The following IL18RAP variants were observed in gnomAD, a reference collection of about 807,000 sequenced individuals.
IL18RAP encodes interleukin-18 receptor accessory protein.
In IL18RAP, 37 loss-of-function variants were observed where a neutral mutation model predicts 58.1. The observed-to-expected ratio is 0.64, with a 90% CI of 0.49 to 0.84. The LOEUF (loss-of-function observed/expected upper bound fraction) is 0.84. IL18RAP is among the 40% of genes least tolerant of loss of function. The pLI is 0.00. For missense variants in IL18RAP, 667 were observed against 704.8 expected, an observed-to-expected ratio of 0.95 and a Z score of 0.61; for synonymous variants, 268 against 257.5, an observed-to-expected ratio of 1.04 and a Z score of -0.39.
Position 102,452,162 on chromosome 2 carries a change from C to T in IL18RAP, c.1781C>T (p.Ser594Phe). 6.2e-7 allele frequency: 1 copy of T among 1,608,102 alleles called. No individual in the cohort carries two copies. Among genetic ancestry groups the T allele is most frequent in the South Asian group, 1.1e-5 (1 of 90,168 alleles). Reference protein sequence around the residue: ...LSRTETTGRSSQPKEW With the variant: ...LSRTETTGRSFQPKEW ...AGAACAGAAACCACTGGGAGGAGCT[C>T]CCAGCCTAAGGAATGGTGAAATGAG... The change falls in exon 10 of 10, where the codon TCC becomes TTC. Residue 594 changes from serine to phenylalanine, a missense_variant. Ser to Phe is a radical substitution (Grantham distance 155, BLOSUM62 -2). Coordinates refer to ENST00000687160, the MANE Select transcript of IL18RAP (RefSeq NM_001393487.1).
At chr2:102,448,189 G>T (rs1435327199) in intron 8 of IL18RAP, among the ~76,000 whole-genome samples, 3 of 152,210 alleles carry the variant, frequency 2.0e-5, no homozygotes, top group Non-Finnish European at 4.4e-5. Context: ...GAGACAGGAA[G>T]TCATGTGCCT....
intron 3 of IL18RAP, among the ~76,000 whole-genome samples, chr2:102,427,725 G>T (rs554085901): frequency 2.4e-4 from 37 of 151,896 alleles, no homozygotes; most frequent in African/African-American, 7.5e-4. Flanking sequence ...TTCTATTTTT[G>T]TTTTTGTTGC....
At chr2:102,439,860 A>C (rs1219824284) in intron 4 of IL18RAP, 1 of 152,214 alleles carries the variant, frequency 6.6e-6, no homozygotes. Flanking sequence ...TGGAGATGTG[A>C]ATGTGAAGAT....
chr2:102,422,663 A>T (rs182275554), upstream of IL18RAP, among the ~76,000 whole-genome samples: 16 of 152,304 alleles, frequency 1.1e-4, no homozygotes, highest in East Asian at 1.3e-3. Flanking sequence ...CATATTTGAG[A>T]GTTGATAGTG....
At chr2:102,442,014 T>C (rs1173478402) in intron 5 of IL18RAP, among the ~76,000 whole-genome samples, 1 of 152,252 alleles carries the variant, frequency 6.6e-6, no homozygotes, top group East Asian at 1.9e-4. Context: ...TCGTACATGT[T>C]GGTTAGGTCT....
In IL18RAP at chr2:102,424,388, C is replaced by G; in HGVS notation, c.553C>G (p.Gln185Glu). 2.5e-6 allele frequency: 4 copies of G among 1,613,976 alleles called. No homozygotes were observed. The highest frequency in any genetic ancestry group is 3.4e-6 in the Non-Finnish European group (4 of 1,179,896). The change falls in exon 3 of 10, where the codon CAA becomes GAA. Residue 185 changes from glutamine to glutamate, a missense_variant. Coordinates refer to ENST00000687160, the MANE Select transcript of IL18RAP (RefSeq NM_001393487.1). ...CPSLSCQSDA[Q>E]SPAVTWYKNG... The stretch of plus-strand genomic sequence containing the variant: ...CAGTCTCAGCTGCCAAAGTGATGCA[C>G]AAAGTCCAGCGGTAACCTGGTACAA...
rs779989493 is a variant in IL18RAP, at chr2:102,424,373, T to C, written c.538T>C (p.Cys180Arg). 2 of 1,614,094 alleles carry C rather than the reference T, an allele frequency of 1.2e-6. No individual in the cohort carries two copies. The highest frequency in any genetic ancestry group is 1.7e-6 in the Non-Finnish European group (2 of 1,179,956). ...CTCTATTTCTTGCCCCAGTCTCAGC[T>C]GCCAAAGTGATGCACAAAGTCCAGC... ...TGSISCPSLS[C>R]QSDAQSPAVT... The change falls in exon 3 of 10, where the codon TGC becomes CGC. Residue 180 changes from cysteine (C) to arginine (R), a missense_variant. Physicochemically the swap from Cys to Arg is radical, Grantham distance 180. Transcript: ENST00000687160.
chr2:102,424,618 G>T (rs1681815961), intron 3 of IL18RAP, among the ~76,000 whole-genome samples: 1 of 152,066 alleles, frequency 6.6e-6, no homozygotes, highest in Non-Finnish European at 1.5e-5. Flanking sequence ...ATTATTAGAG[G>T]CATCCTTTTG....
At chr2:102,432,587 G>A (rs1682451771) in intron 3 of IL18RAP, among the ~76,000 whole-genome samples, 1 of 152,160 alleles carries the variant, frequency 6.6e-6, no homozygotes, top group Admixed American at 6.5e-5. Flanking sequence ...ACAAAGATGT[G>A]TGTGGGCTTG....
intron 8 of IL18RAP, among the ~76,000 whole-genome samples, chr2:102,448,497 A>G (rs1411842034): frequency 6.6e-6 from 1 of 152,158 alleles, no homozygotes; most frequent in Non-Finnish European, 1.5e-5. Context: ...GAAGGTTTGC[A>G]GTTTTAGTAA....
chr2:102,426,850 TA>T (rs35711445), intron 3 of IL18RAP, among the ~76,000 whole-genome samples: 117,986 of 151,998 alleles, frequency 0.78, 46,826 homozygotes, highest in African/African-American at 0.9. Flanking sequence ...CCTGAAAACT[TA>T]ACTCCTCCCA....
chr2:102,420,447 G>A (rs903559786), upstream of IL18RAP, among the ~76,000 whole-genome samples: 3 of 152,216 alleles, frequency 2.0e-5, no homozygotes, highest in African/African-American at 7.2e-5. Flanking sequence ...AGTGATAGCT[G>A]CAGCCTGCAA....
At chr2:102,420,630 G>A (rs1454165215), upstream of IL18RAP, among the ~76,000 whole-genome samples, 2 of 152,212 alleles carry the variant, frequency 1.3e-5, no homozygotes, top group Non-Finnish European at 2.9e-5. Flanking sequence ...GGATGGTAGA[G>A]CTGGGAGGAT....
rs1184482715 is a variant in IL18RAP at position 102,443,273 on chromosome 2, C to T, written c.870C>T (p.Tyr290=). The T allele has an allele frequency of 1.2e-6, 2 of 1,613,744 alleles. No individual in the cohort carries two copies. Among genetic ancestry groups the T allele is most frequent in the Admixed American group, 1.7e-5 (1 of 59,920 alleles). The change falls in exon 6 of 10, where the codon TAC becomes TAT. Residue 290 remains tyrosine, a synonymous_variant. Transcript: ENST00000687160. ...ERVFNPVIKW[Y]IKDSDLEWEV... The stretch of plus-strand genomic sequence containing the variant: ...TCTTTAACCCTGTCATAAAATGGTA[C>T]ATCAAAGATTCTGACCTAGAGTGGG...
intron 8 of IL18RAP, 69 bp downstream of exon 8, chr2:102,447,276 A>G (rs1209421095): frequency 6.5e-7 from 1 of 1,530,652 alleles, no homozygotes; most frequent in Non-Finnish European, 8.9e-7. Flanking sequence ...GGACAACAGA[A>G]AATACCATCA....
At position 102,423,316 on chromosome 2, in the gene IL18RAP, A is replaced by G. The variant is rs777147079; in HGVS notation, c.39A>G (p.Ala13=). 1.9e-6 allele frequency: 3 copies of G among 1,613,990 alleles called. No homozygotes were observed. In the Admixed American group the frequency reaches 5.0e-5, roughly 27 times the overall value. ...CLGWIFLWLV[A]GERIKGFNIS... ...GCTGGATATTTCTTTGGCTTGTTGC[A>G]GGAGAGCGAATTAAAGGATTTAATA... Residue 13 remains alanine, a synonymous_variant, in exon 1 of 10, where the codon GCA becomes GCG. Transcript: ENST00000687160.
chr2:102,441,245 TA>T, intron 4 of IL18RAP, 66 bp from the exon 5 acceptor site: 1 of 1,237,450 alleles, frequency 8.1e-7, no homozygotes, highest in Non-Finnish European at 1.2e-6. Flanking sequence ...GCTGTGCACC[TA>T]AATCTTCATC....
chr2:102,451,828 C>A lies in IL18RAP; in HGVS notation c.1447C>A (p.Pro483Thr). Reference protein sequence around the residue: ...RSRRGIFILSPNYVNGPSIFE... With the variant: ...RSRRGIFILSTNYVNGPSIFE... ...CAGAAGAGGAATATTTATCTTGAGC[C>A]CCAACTATGTCAATGGACCCAGTAT... Residue 483 changes from proline (P) to threonine (T), a missense_variant, in exon 10 of 10, where the codon CCC becomes ACC. Physicochemically the swap from Pro to Thr is conservative, Grantham distance 38. Transcript: ENST00000687160. The A allele has an allele frequency of 1.9e-6, 3 of 1,613,824 alleles. No homozygotes were observed. Among genetic ancestry groups the A allele is most frequent in the Non-Finnish European group, 2.5e-6 (3 of 1,179,770 alleles).
intron 3 of IL18RAP, among the ~76,000 whole-genome samples, chr2:102,431,741 C>T (rs954655431): frequency 3.9e-5 from 6 of 151,960 alleles, no homozygotes; most frequent in African/African-American, 1.4e-4. Context: ...TTTTCAAATA[C>T]CCACACTTCA....
Sources: gnomAD v4.1 joint callset for allele counts (sites outside exome capture counted in the v4.1 genomes callset) on GRCh38, gnomAD v4.1.1 for gene constraint, MANE v1.5 for transcripts, NCBI Gene and HGNC (gene_info 2026-07-23, HGNC 2026-07-21) for gene names.